ZNF736: variants seen among roughly 807,000 people sequenced by gnomAD.
ZNF736 encodes the protein zinc finger protein 736, also known as KRAB-containing zinc-finger repressor protein.
A neutral mutation model predicts 11.7 loss-of-function variants in ZNF736; 6 were observed. The observed-to-expected ratio is 0.51, with a 90% CI of 0.28 to 1.01. The LOEUF (loss-of-function observed/expected upper bound fraction) is 1.01, where lower values mean the gene tolerates loss of function less well. Ranked by LOEUF, ZNF736 falls within the 50% of genes least tolerant of loss-of-function variation. The probability of loss-of-function intolerance (pLI) is 0.09; values close to 1 mark genes in which losing one functional copy is unlikely to be tolerated. For missense variants in ZNF736, 444 were observed against 496.0 expected (o/e 0.90, Z 1.00); for synonymous variants, 139 against 164.7 (o/e 0.84, Z 1.19).
chr7:64,316,344 T>C (rs575357900), intron 1 of ZNF736, among the ~76,000 whole-genome samples: 53 of 152,320 alleles, frequency 3.5e-4, no homozygotes, highest in African/African-American at 1.2e-3. Context: ...TGCAGACACA[T>C]TGGTGGTCAA....
intron 3 of ZNF736, among the ~76,000 whole-genome samples, chr7:64,337,741 G>GT (rs1383507756): frequency 7.2e-5 from 5 of 69,248 alleles, no homozygotes; most frequent in Non-Finnish European, 1.0e-4. Context: ...GTTTTGTTTT[G>GT]TTTTGTTTTT....
Position 64,349,076 on chromosome 7 carries a change from G to T in ZNF736, c.1213G>T (p.Ala405Ser), listed in dbSNP as rs79364081. ...KPYKCEECGK[A>S]SSWFSHLIRH... is the part of the protein sequence containing the mutation. ...CTACAAATGTGAAGAATGTGGCAAA[G>T]CATCGAGCTGGTTCTCACACCTCAT... The change falls in exon 4 of 4, where the codon GCA becomes TCA. Residue 405 changes from alanine to serine, a missense_variant. Physicochemically the swap from Ala to Ser is moderately conservative, Grantham distance 99. Transcript: ENST00000423484. 951 of 1,602,846 alleles carry T rather than the reference G, an allele frequency of 5.9e-4. No homozygotes were observed. The highest frequency in any genetic ancestry group is 7.4e-4 in the Non-Finnish European group (874 of 1,174,132).
chr7:64,314,503 G>T (rs1298005073), intron 1 of ZNF736, among the ~76,000 whole-genome samples: 1 of 152,154 alleles, frequency 6.6e-6, no homozygotes, highest in Non-Finnish European at 1.5e-5. Flanking sequence ...GTTCCTCCGT[G>T]GAAGAAGCAG....
rs567642630 is a variant in ZNF736, at chr7:64,347,808, G to A, written c.227-282G>A. Reference sequence around the variant, plus strand: ...GGAGTCTATAGTTAGAGTCATCATAGGATGAAGAATGGCTGTGGTGGGTAA... The same window carrying A: ...GGAGTCTATAGTTAGAGTCATCATAAGATGAAGAATGGCTGTGGTGGGTAA... On this transcript the variant is annotated intron_variant, in intron 3 of 3. Transcript: ENST00000423484. Among the ~76,000 whole-genome samples the A allele has an allele frequency of 2.6e-5, 4 of 152,294 alleles. No homozygotes were observed. In the East Asian group the frequency reaches 7.7e-4, roughly 29 times the overall value.
chr7:64,350,371 A>C lies in ZNF736; in HGVS notation c.*1224A>C, dbSNP rs1218501046. 1.3e-5 allele frequency: 2 copies of C among 152,152 alleles called. No individual in the cohort carries two copies. The highest frequency in any genetic ancestry group is 2.4e-5 in the African/African-American group (1 of 41,416). 9.4% of individuals were successfully genotyped at this position (152,152 alleles called of 1,614,324 possible). Reference sequence around the variant, plus strand: ...TGTTAATATATGTGATTACATTATAAAGGTTTTGTATTGTGTTTTTCAGTT... The same window carrying C: ...TGTTAATATATGTGATTACATTATACAGGTTTTGTATTGTGTTTTTCAGTT... On this transcript the variant is annotated 3_prime_UTR_variant, in exon 4 of 4. Coordinates refer to ENST00000423484, the MANE Select transcript of ZNF736 (RefSeq NM_001170905.3).
Position 64,349,430 on chromosome 7 carries a change from G to C in ZNF736, c.*283G>C, listed in dbSNP as rs1488564883. The C allele has an allele frequency of 3.7e-6, 1 of 272,026 alleles. No homozygotes were observed. Among genetic ancestry groups the C allele is most frequent in the African/African-American group, 2.2e-5 (1 of 45,430 alleles). The allele number at this position is 272,026 out of a possible 1,614,324, so 16.9% of individuals were successfully genotyped here. On this transcript the variant is annotated 3_prime_UTR_variant, in exon 4 of 4. Coordinates refer to ENST00000423484, the MANE Select transcript of ZNF736 (RefSeq NM_001170905.3). Reference sequence around the variant, plus strand: ...TTCTTTTCCTGTTTTCTATTTGCTTGGTAGGCTTTTCTTTTTCCCTTTATT... The same window carrying C: ...TTCTTTTCCTGTTTTCTATTTGCTTCGTAGGCTTTTCTTTTTCCCTTTATT...
chr7:64,337,721 T>C (rs1789273553), intron 3 of ZNF736, among the ~76,000 whole-genome samples: 1 of 150,950 alleles, frequency 6.6e-6, no homozygotes, highest in Admixed American at 6.6e-5. Flanking sequence ...CATTGCTGAG[T>C]ATTTTTTTTG....
intron 1 of ZNF736, among the ~76,000 whole-genome samples, chr7:64,331,870 T>A (rs1789172431): frequency 6.6e-6 from 1 of 151,954 alleles, no homozygotes; most frequent in African/African-American, 2.4e-5. Flanking sequence ...GGCAACTGAG[T>A]GATGGAAAGG....
chr7:64,349,717 A>G lies in ZNF736; in HGVS notation c.*570A>G, dbSNP rs1374017628. ...ACTGGTAATAGTCTTTTTCTTATTT[A>G]ATGCTTTCTTCAGAAGCTCTTTTAA... On this transcript the variant is annotated 3_prime_UTR_variant, in exon 4 of 4. Transcript: ENST00000423484. The G allele has an allele frequency of 2.0e-5, 3 of 152,170 alleles. No individual in the cohort carries two copies. The highest frequency in any genetic ancestry group is 7.2e-5 in the African/African-American group (3 of 41,416). 9.4% of individuals were successfully genotyped at this position (152,170 alleles called of 1,614,324 possible). A position where few individuals can be genotyped will look rare whatever the true frequency, so the allele number is the denominator to read the frequency against.
chr7:64,336,490 C>G, intron 2 of ZNF736, 105 bp downstream of exon 2: 1 of 1,256,948 alleles, frequency 8.0e-7, no homozygotes, highest in Non-Finnish European at 1.1e-6. Flanking sequence ...CAGAATCCTG[C>G]TTCAAAAAGA....
At chr7:64,347,365 A>AAAT (rs1016828408) in intron 3 of ZNF736, among the ~76,000 whole-genome samples, 1 of 151,768 alleles carries the variant, frequency 6.6e-6, no homozygotes, top group Admixed American at 6.6e-5. Flanking sequence ...AGCTGGGATT[A>AAAT]CAGGCACCTG....
chr7:64,323,493 G>T (rs890124072), intron 1 of ZNF736, among the ~76,000 whole-genome samples: 1 of 152,038 alleles, frequency 6.6e-6, no homozygotes, highest in South Asian at 2.1e-4. Context: ...AACCCACATT[G>T]CTTTCAACAG....
chr7:64,333,520 G>A (rs2115920600), intron 1 of ZNF736, among the ~76,000 whole-genome samples: 1 of 152,262 alleles, frequency 6.6e-6, no homozygotes, highest in South Asian at 2.1e-4. Context: ...TTAAATCTAT[G>A]CAAAACTGCT....
At chr7:64,346,242 G>C (rs1789408178) in intron 3 of ZNF736, among the ~76,000 whole-genome samples, 1 of 151,998 alleles carries the variant, frequency 6.6e-6, no homozygotes, top group Non-Finnish European at 1.5e-5. Context: ...TATGAAATAT[G>C]ACCATTTTCA....
At chr7:64,318,364 CTA>C (rs1190463607) in intron 1 of ZNF736, among the ~76,000 whole-genome samples, 1 of 151,860 alleles carries the variant, frequency 6.6e-6, no homozygotes, top group Non-Finnish European at 1.5e-5. Context: ...ATTTGAGAAA[CTA>C]TTTAAATTAA....
chr7:64,346,009 C>T (rs1342538271), intron 3 of ZNF736, among the ~76,000 whole-genome samples: 1 of 151,962 alleles, frequency 6.6e-6, no homozygotes, highest in Non-Finnish European at 1.5e-5. Flanking sequence ...GTTTTTTGTT[C>T]CCTCATTGAT....
At chr7:64,334,284 A>G (rs1789215148) in intron 1 of ZNF736, among the ~76,000 whole-genome samples, 1 of 152,244 alleles carries the variant, frequency 6.6e-6, no homozygotes, top group South Asian at 2.1e-4. Context: ...ACAAAAGCCA[A>G]AATTGACAAA....
chr7:64,314,800 A>G (rs1788888318), intron 1 of ZNF736, among the ~76,000 whole-genome samples: 1 of 152,164 alleles, frequency 6.6e-6, no homozygotes, highest in African/African-American at 2.4e-5. Flanking sequence ...CCCCGAGCTC[A>G]GGTCTCAGGT....
chr7:64,314,474 T>G (rs1788883630), intron 1 of ZNF736, among the ~76,000 whole-genome samples: 1 of 152,130 alleles, frequency 6.6e-6, no homozygotes, highest in Non-Finnish European at 1.5e-5. Context: ...AAGACGGGAA[T>G]TCTCATTTAG....
Sources: gnomAD v4.1 joint callset for allele counts (sites outside exome capture counted in the v4.1 genomes callset) on GRCh38, gnomAD v4.1.1 for gene constraint, MANE v1.5 for transcripts, NCBI Gene and HGNC (gene_info 2026-07-23, HGNC 2026-07-21) for gene names.